The following CFAP47 variants were observed in gnomAD, a reference collection of about 807,000 sequenced individuals.
The protein encoded by CFAP47 is cilia and flagella associated protein 47, also known as cilia- and flagella-associated protein 47.
A neutral mutation model predicts 148.1 loss-of-function variants in CFAP47; 29 were observed. The observed-to-expected ratio is 0.20, with a 90% CI of 0.15 to 0.27. The LOEUF (loss-of-function observed/expected upper bound fraction) is 0.27, where lower values mean the gene tolerates loss of function less well. Ranked by LOEUF, CFAP47 falls within the 10% of genes least tolerant of loss-of-function variation. The probability of loss-of-function intolerance (pLI) is 1.00; values close to 1 mark genes in which losing one functional copy is unlikely to be tolerated. For synonymous variants in CFAP47, 664 were observed against 577.3 expected (o/e 1.15, Z -2.15); for missense variants, 1,872 against 1,697.5 (o/e 1.10, Z -1.81).
chrX:36,097,849 T>C (rs188358339), intron 30 of CFAP47, among the ~76,000 whole-genome samples: 64 of 111,506 alleles, frequency 5.7e-4, no homozygotes, highest in Admixed American at 1.8e-3. Context: ...GATATTGATA[T>C]ATTTCTCTAG....
At chrX:36,267,818 A>G (rs909638271) in intron 49 of CFAP47, among the ~76,000 whole-genome samples, 1 of 112,060 alleles carries the variant, frequency 8.9e-6, no homozygotes, top group South Asian at 3.7e-4. Context: ...GTGATTTTTA[A>G]AAGCAAGACC....
At chrX:36,286,947 G>A (rs1556004687) in intron 51 of CFAP47, among the ~76,000 whole-genome samples, 1 of 110,484 alleles carries the variant, frequency 9.1e-6, no homozygotes. Flanking sequence ...TTTTCTGCAA[G>A]AGCTATTAGC....
intron 2 of CFAP47, among the ~76,000 whole-genome samples, chrX:35,940,664 C>G (rs935850471): frequency 2.7e-5 from 3 of 110,920 alleles, no homozygotes; most frequent in South Asian, 3.8e-4. Flanking sequence ...CTCTCTCCCC[C>G]GCTCTCTCTC....
At chrX:36,180,028 G>A (rs970945859) in intron 40 of CFAP47, among the ~76,000 whole-genome samples, 2 of 111,232 alleles carry the variant, frequency 1.8e-5, no homozygotes, top group Non-Finnish European at 3.8e-5. Flanking sequence ...TGGTGCAACC[G>A]GTGATGAGAA....
At chrX:36,168,090 G>C (rs1181801236) in intron 39 of CFAP47, among the ~76,000 whole-genome samples, 1 of 111,035 alleles carries the variant, frequency 9.0e-6, no homozygotes, top group Non-Finnish European at 1.9e-5. Context: ...CAATTGGTTT[G>C]TGTTTTTGAA....
At chrX:36,026,035 G>A (rs956783138) in intron 22 of CFAP47, among the ~76,000 whole-genome samples, 1 of 111,553 alleles carries the variant, frequency 9.0e-6, no homozygotes, top group African/African-American at 3.3e-5. Flanking sequence ...TAGACATTTT[G>A]TACTTCCAAA....
intron 22 of CFAP47, among the ~76,000 whole-genome samples, chrX:36,026,001 G>T (rs1937211629): frequency 8.9e-6 from 1 of 111,788 alleles, no homozygotes; most frequent in South Asian, 3.7e-4. Context: ...CAGCTAGAGG[G>T]TTGATAAATA....
intron 22 of CFAP47, among the ~76,000 whole-genome samples, chrX:36,021,194 A>C (rs1024527119): frequency 3.6e-5 from 4 of 112,041 alleles, no homozygotes; most frequent in Non-Finnish European, 7.5e-5. Flanking sequence ...TATGTCTTGA[A>C]AAGGTGTTGT....
intron 55 of CFAP47, among the ~76,000 whole-genome samples, chrX:36,307,976 G>C (rs1251346356): frequency 4.5e-5 from 5 of 111,314 alleles, no homozygotes; most frequent in African/African-American, 9.8e-5. Context: ...TTTTCTTTCA[G>C]ACAAGTAATT....
At chrX:36,222,163 AC>A (rs1940219147) in intron 45 of CFAP47, among the ~76,000 whole-genome samples, 1 of 111,942 alleles carries the variant, frequency 8.9e-6, no homozygotes. Flanking sequence ...GCAGATACTT[AC>A]AAACTTCATG....
chrX:36,080,259 A>T (rs953219849), intron 29 of CFAP47, among the ~76,000 whole-genome samples: 7 of 111,761 alleles, frequency 6.3e-5, no homozygotes, highest in Non-Finnish European at 1.3e-4. Flanking sequence ...TAGAATGGCG[A>T]TCATTAAAAA....
At chrX:35,931,342 CT>C (rs757577996) in intron 2 of CFAP47, among the ~76,000 whole-genome samples, 3 of 110,575 alleles carry the variant, frequency 2.7e-5, no homozygotes, top group East Asian at 2.8e-4. Context: ...GCTTTTTGCA[CT>C]TTTTTTTCTA....
intron 21 of CFAP47, among the ~76,000 whole-genome samples, chrX:36,003,470 T>C (rs1393215983): frequency 9.1e-6 from 1 of 110,014 alleles, no homozygotes; most frequent in African/African-American, 3.3e-5. Flanking sequence ...GAATGAATTA[T>C]AGAGTGGTGT....
chrX:36,377,231 C>G (rs1447267107), intron 62 of CFAP47, among the ~76,000 whole-genome samples: 20 of 111,743 alleles, frequency 1.8e-4, no homozygotes, highest in Admixed American at 1.2e-3. Context: ...CTAGTTTACA[C>G]TCCCACCAAC....
intron 50 of CFAP47, among the ~76,000 whole-genome samples, chrX:36,282,734 C>A (rs1264515398): frequency 5.4e-5 from 6 of 111,465 alleles, no homozygotes; most frequent in Admixed American, 3.8e-4. Flanking sequence ...ATGGTAATAC[C>A]CATTTTTAAT....
intron 49 of CFAP47, among the ~76,000 whole-genome samples, chrX:36,277,159 C>T (rs782569375): frequency 8.9e-6 from 1 of 111,942 alleles, no homozygotes; most frequent in Admixed American, 9.5e-5. Context: ...TGGACATGTA[C>T]AGTAAATTAT....
At chrX:35,921,114 G>A (rs948180319) in intron 1 of CFAP47, among the ~76,000 whole-genome samples, 2 of 111,192 alleles carry the variant, frequency 1.8e-5, no homozygotes, top group African/African-American at 3.3e-5. Context: ...ATCTCCATTA[G>A]CTACCACCTG....
intron 46 of CFAP47, among the ~76,000 whole-genome samples, chrX:36,229,603 TC>T (rs1349061104): frequency 2.7e-5 from 3 of 111,359 alleles, no homozygotes; most frequent in African/African-American, 6.5e-5. Flanking sequence ...TGATATTTAT[TC>T]TTTTTTTATT....
chrX:35,949,445 G>A (rs1456400598), intron 4 of CFAP47, among the ~76,000 whole-genome samples: 1 of 111,482 alleles, frequency 9.0e-6, no homozygotes, highest in Admixed American at 9.6e-5. Flanking sequence ...AAAGGTCTGA[G>A]ATAAGGTCAA....
Sources: allele counts gnomAD v4.1 joint callset (sites outside exome capture counted in the v4.1 genomes callset), GRCh38; gene constraint gnomAD v4.1.1; transcripts MANE v1.5; gene names NCBI Gene and HGNC (gene_info 2026-07-23, HGNC 2026-07-21).